The following ANO9 variants were observed in gnomAD, a reference collection of about 807,000 sequenced individuals.
ANO9 encodes the protein anoctamin 9.
A neutral mutation model predicts 100.5 loss-of-function variants in ANO9; 80 were observed. The ratio of observed to expected loss-of-function variants is 0.80; its 90% confidence interval spans 0.66 to 0.96. The LOEUF is 0.96. ANO9 is among the 40% of genes least tolerant of loss of function. ANO9 has a pLI of 0.00. For missense variants in ANO9, 1,064 were observed against 1,072.7 expected, an observed-to-expected ratio of 0.99 and a Z score of 0.11; for synonymous variants, 473 against 435.6, an observed-to-expected ratio of 1.09 and a Z score of -1.07.
chr11:441,831 G>A (rs1845901357), intron 1 of ANO9, 90 bp downstream of exon 1: 1 of 1,530,078 alleles, frequency 6.5e-7, no homozygotes, highest in Non-Finnish European at 8.7e-7. Context: ...CCTTCCAGGT[G>A]GGGCTGGCGG....
At chr11:424,057 C>T (rs930308001) in intron 15 of ANO9, among the ~76,000 whole-genome samples, 1 of 151,966 alleles carries the variant, frequency 6.6e-6, no homozygotes, top group Non-Finnish European at 1.5e-5. Context: ...TACAGGCTCA[C>T]ACCACCACGC....
intron 1 of ANO9, among the ~76,000 whole-genome samples, chr11:440,953 C>T (rs542512048): frequency 6.6e-6 from 1 of 152,378 alleles, no homozygotes; most frequent in South Asian, 2.1e-4. Flanking sequence ...CCAGGTGCTG[C>T]TTCTCCCAAC....
In ANO9 at chr11:421,955, A is replaced by G. The variant is rs1387016852; in HGVS notation, c.1335-757T>C. On this transcript the variant is annotated intron_variant, in intron 15 of 22. Transcript: ENST00000332826. This position sits in a 1 kb window ranked among gnomAD's most constrained non-coding sequence, Gnocchi z 6.8. ...AAGTATAAATAGTATACATTTGCAA[A>G]GAAAAAAATGACTCTTTTAGAAAAC... is the stretch of plus-strand genomic sequence containing the variant. 6.6e-6 allele frequency among the ~76,000 whole-genome samples: 1 copy of G among 152,224 alleles called. No homozygotes were observed. The highest frequency in any genetic ancestry group is 1.5e-5 in the Non-Finnish European group (1 of 68,030).
chr11:426,751 G>T (rs1848543994), intron 15 of ANO9, among the ~76,000 whole-genome samples: 1 of 152,122 alleles, frequency 6.6e-6, no homozygotes, highest in African/African-American at 2.4e-5. Context: ...CGGGACTTGG[G>T]TACCCCTGGT....
At position 428,110 on chromosome 11, in the gene ANO9, A is replaced by G. The variant is rs767171821; in HGVS notation, c.1312T>C (p.Tyr438His). The G allele has an allele frequency of 5.6e-6, 9 of 1,610,196 alleles. No individual in the cohort carries two copies. The highest frequency in any genetic ancestry group is 7.6e-6 in the Non-Finnish European group (9 of 1,179,378). ...QFFTHFSSLI[Y>H]IAFILGRING... Reference sequence around the variant, plus strand: ...TACCTGCCCAGGATGAAGGCGATGTAGATGAGAGACGAGAAATGGGTGAAG... The same window carrying G: ...TACCTGCCCAGGATGAAGGCGATGTGGATGAGAGACGAGAAATGGGTGAAG... The change falls in exon 15 of 23, where the codon TAC (tyrosine) becomes CAC (histidine). Residue 438 changes from tyrosine to histidine, a missense_variant. Transcript: ENST00000332826.
rs1847957685 is a variant in ANO9 at position 418,196 on chromosome 11, G to A, written c.*175C>T. ...CAAGCCTGAGAGCCCCCACAAAGAC[G>A]GAGCAGGCGGAATAGGGTGGCAGCT... On this transcript the variant is annotated 3_prime_UTR_variant, in exon 23 of 23. Coordinates refer to ENST00000332826, the MANE Select transcript of ANO9 (RefSeq NM_001012302.3). 4 of 665,566 alleles carry A rather than the reference G, an allele frequency of 6.0e-6. No homozygotes were observed. The highest frequency in any genetic ancestry group is 2.0e-5 in the South Asian group (1 of 49,314). The allele number at this position is 665,566 out of a possible 1,614,324, so 41.2% of individuals were successfully genotyped here. A position where few individuals can be genotyped will look rare whatever the true frequency, so the allele number is the denominator to read the frequency against.
At chr11:433,995 G>A (rs7396776) in intron 2 of ANO9, 29 bp downstream of exon 2, 936,331 of 1,549,992 alleles carry the variant, frequency 0.6, 285,020 homozygotes, top group Middle Eastern at 0.68. Flanking sequence ...GGGCCAGGTG[G>A]GGCCCGGGAG....
At position 418,559 on chromosome 11, in the gene ANO9, C is replaced by T. The variant is rs753401969; in HGVS notation, c.2161G>A (p.Ala721Thr). The change falls in exon 23 of 23, where the codon GCC becomes ACC. Residue 721 changes from alanine (A) to threonine (T), a missense_variant. Coordinates refer to ENST00000332826, the MANE Select transcript of ANO9 (RefSeq NM_001012302.3). The stretch of plus-strand genomic sequence containing the variant: ...TGAGGGATGTCGGGCACGAACCAGG[C>T]GGCGATGAGCTTGATGCACAAGGCC... Reference protein sequence around the residue: ...HVALCIKLIAAWFVPDIPQSV... With the variant: ...HVALCIKLIATWFVPDIPQSV... 29 of 1,612,896 alleles carry T rather than the reference C, an allele frequency of 1.8e-5. No homozygotes were observed. Among genetic ancestry groups the T allele is most frequent in the South Asian group, 1.4e-4 (13 of 91,090 alleles).
At position 419,680 on chromosome 11, in the gene ANO9, G is replaced by T; in HGVS notation, c.1836C>A (p.Ala612=). The change falls in exon 20 of 23, where the codon GCC becomes GCA. Residue 612 remains alanine, a synonymous_variant. Coordinates refer to ENST00000332826, the MANE Select transcript of ANO9 (RefSeq NM_001012302.3). ...LETIGVLAVI[A]NGMVIAFTSE... is the part of the protein sequence containing the mutation. ...ATGTGAAGGCAATGACCATCCCATT[G>T]GCAATGACCGCCAGCACACCGATGG... 6.2e-7 allele frequency: 1 copy of T among 1,613,470 alleles called. No individual in the cohort carries two copies. Among genetic ancestry groups the T allele is most frequent in the Admixed American group, 1.7e-5 (1 of 60,008 alleles).
In ANO9 at chr11:429,487, G is replaced by A. The variant is rs1277010046; in HGVS notation, c.915+83C>T. On this transcript the variant is annotated intron_variant, in intron 11 of 22. Transcript: ENST00000332826. ...CGGGACACACACCTCAGACACGGCAGGCATATGTGGGCCGTGCAGGGCATC... is the reference window on the plus strand; with the variant it reads ...CGGGACACACACCTCAGACACGGCAAGCATATGTGGGCCGTGCAGGGCATC... 9.6e-6 allele frequency: 15 copies of A among 1,563,546 alleles called. No individual in the cohort carries two copies. The South Asian group carries it at 1.2e-4, about 12-fold the overall frequency.
chr11:420,254 G>T, intron 19 of ANO9: 4 of 1,425,716 alleles, frequency 2.8e-6, no homozygotes, highest in Non-Finnish European at 3.7e-6. Flanking sequence ...TTTGTGGGAG[G>T]AGCCTACAAA....
At chr11:436,696 A>T (rs139443571) in intron 1 of ANO9, among the ~76,000 whole-genome samples, 1,151 of 9,034 alleles carry the variant, frequency 0.13, 13 homozygotes, top group Middle Eastern at 0.33. Flanking sequence ...GGAGGTGAGC[A>T]GGGGGTAAGC....
Position 418,448 on chromosome 11 carries a change from C to G in ANO9, c.2272G>C (p.Gly758Arg). Residue 758 changes from glycine to arginine, a missense_variant, in exon 23 of 23, where the codon GGG (glycine) becomes CGG (arginine). Physicochemically the swap from Gly to Arg is moderately radical, Grantham distance 125 (BLOSUM62 -2). Transcript: ENST00000332826. ...GGCATTGGGGGCCGAGAGCCTGCCCCCACCCCACCCAGCCTCTGCCTTCCA... is the reference window on the plus strand; with the variant it reads ...GGCATTGGGGGCCGAGAGCCTGCCCGCACCCCACCCAGCCTCTGCCTTCCA... ...WHGRQRLGGV[G>R]AGSRPPMPAH... is the part of the protein sequence containing the mutation. 1 of 1,612,752 alleles carries G rather than the reference C, an allele frequency of 6.2e-7. No individual in the cohort carries two copies. Among genetic ancestry groups the G allele is most frequent in the Non-Finnish European group, 8.5e-7 (1 of 1,179,902 alleles).
intron 15 of ANO9, among the ~76,000 whole-genome samples, chr11:423,984 C>T (rs1001162818): frequency 6.6e-6 from 1 of 151,718 alleles, no homozygotes; most frequent in South Asian, 2.1e-4. Flanking sequence ...TTTCAGTTCA[C>T]TGCAACCTCT....
intron 1 of ANO9, among the ~76,000 whole-genome samples, chr11:439,433 G>A (rs1224153079): frequency 9.0e-6 from 1 of 111,326 alleles, no homozygotes; most frequent in African/African-American, 3.9e-5. Flanking sequence ...CAGAGGAGAT[G>A]GTTGTGCAGA....
intron 20 of ANO9, 48 bp from the exon 21 acceptor site, chr11:419,037 G>T: frequency 1.2e-6 from 2 of 1,610,138 alleles, no homozygotes; most frequent in Non-Finnish European, 1.7e-6. Context: ...TTCCAGGGCG[G>T]CCCCTTCAGG....
At position 429,554 on chromosome 11, in the gene ANO9, G is replaced by C; in HGVS notation, c.915+16C>G. 1 of 1,611,998 alleles carries C rather than the reference G, an allele frequency of 6.2e-7. No individual in the cohort carries two copies. The highest frequency in any genetic ancestry group is 8.5e-7 in the Non-Finnish European group (1 of 1,179,702). ...TGCTCGGGTCGGCCTCAGCTGCGCTGCCAGCTCCACCTCACCTGTTCCTCG... is the reference window on the plus strand; with the variant it reads ...TGCTCGGGTCGGCCTCAGCTGCGCTCCCAGCTCCACCTCACCTGTTCCTCG... On this transcript the variant is annotated intron_variant, in intron 11 of 22. Transcript: ENST00000332826.
rs748614152 is a variant in ANO9 at position 433,352 on chromosome 11, G to A, written c.312C>T (p.Ala104=). Residue 104 remains alanine, a synonymous_variant, in exon 4 of 23, where the codon GCC becomes GCT. Transcript: ENST00000332826. ...GGATGGTGGTCGGCGCGGCCAGCTC[G>A]GCGTGGGGGGCAGGCCCCTCAGGCT... ...LLEPEGPAPH[A]ELAAPTTIPV... 9.9e-6 allele frequency: 16 copies of A among 1,612,838 alleles called. No individual in the cohort carries two copies. The highest frequency in any genetic ancestry group is 4.4e-5 in the South Asian group (4 of 91,070).
intron 5 of ANO9, 44 bp from the exon 6 acceptor site, chr11:431,950 G>A (rs777445787): frequency 1.9e-6 from 3 of 1,612,272 alleles, no homozygotes; most frequent in Non-Finnish European, 2.5e-6. Flanking sequence ...GAGGTGCTGG[G>A]AGAACCCTGC....
Sources: gnomAD v4.1 joint callset for allele counts (sites outside exome capture counted in the v4.1 genomes callset) on GRCh38, gnomAD v4.1.1 for gene constraint, Gnocchi (gnomAD v3.1) non-coding constraint, MANE v1.5 for transcripts, NCBI Gene and HGNC (gene_info 2026-07-23, HGNC 2026-07-21) for gene names.